Variants in LRRIQ3 observed in about 807,000 individuals in gnomAD.
The protein encoded by LRRIQ3 is leucine-rich repeat and IQ domain-containing protein 3.
LRRIQ3 carries 75 observed loss-of-function variants against 59.3 expected under a neutral mutation model. That is an observed-to-expected ratio of 1.26 (90% CI 1.05 to 1.53). LRRIQ3 has a LOEUF of 1.53. Ranked by LOEUF, LRRIQ3 falls within the 40% of genes most tolerant of loss-of-function variation. The pLI, the probability that LRRIQ3 is intolerant of heterozygous loss-of-function variation, is 0.00. For synonymous variants in LRRIQ3, 250 were observed against 231.3 expected, an observed-to-expected ratio of 1.08 and a Z score of -0.73; for missense variants, 831 against 710.0, an observed-to-expected ratio of 1.17 and a Z score of -1.94.
chr1:74,084,102 G>C (rs996942231), intron 5 of LRRIQ3: 1 of 1,478,630 alleles, frequency 6.8e-7, no homozygotes, highest in Non-Finnish European at 9.1e-7. Context: ...TCAGAGACAA[G>C]TTTTCATCCT....
chr1:74,168,990 G>A (rs562443886), intron 3 of LRRIQ3, among the ~76,000 whole-genome samples: 1 of 152,178 alleles, frequency 6.6e-6, no homozygotes, highest in East Asian at 1.9e-4. Context: ...ATTATTGCAA[G>A]CTTTAGGCTC....
intron 5 of LRRIQ3, among the ~76,000 whole-genome samples, chr1:74,099,867 GA>G (rs1282008257): frequency 6.6e-6 from 1 of 151,916 alleles, no homozygotes; most frequent in African/African-American, 2.4e-5. Context: ...CCTTTCATGT[GA>G]AAAACTCTCA....
chr1:74,104,597 T>C (rs749942835), intron 5 of LRRIQ3, among the ~76,000 whole-genome samples: 8 of 152,130 alleles, frequency 5.3e-5, no homozygotes, highest in African/African-American at 1.7e-4. Context: ...ACATACTATA[T>C]GATTTCAACT....
At chr1:74,180,054 C>T (rs1649885368) in intron 3 of LRRIQ3, 1 of 151,856 alleles carries the variant, frequency 6.6e-6, no homozygotes, top group African/African-American at 2.4e-5. Context: ...TATTTTTCTT[C>T]TGTCCAAAAT....
chr1:74,068,188 T>C (rs1654920686), intron 6 of LRRIQ3, among the ~76,000 whole-genome samples: 1 of 152,110 alleles, frequency 6.6e-6, no homozygotes, highest in Non-Finnish European at 1.5e-5. Flanking sequence ...AGGTTTTATG[T>C]TATGATACTA....
At chr1:74,064,478 A>G (rs1035553317) in intron 6 of LRRIQ3, among the ~76,000 whole-genome samples, 1 of 152,052 alleles carries the variant, frequency 6.6e-6, no homozygotes, top group Non-Finnish European at 1.5e-5. Context: ...TTTTATAATT[A>G]CTGACTTTAT....
intron 5 of LRRIQ3, among the ~76,000 whole-genome samples, chr1:74,092,207 C>A (rs890171918): frequency 1.3e-5 from 2 of 152,146 alleles, no homozygotes; most frequent in Admixed American, 6.6e-5. Context: ...TTCAGAAAAG[C>A]ATGAGATAAA....
intron 6 of LRRIQ3, among the ~76,000 whole-genome samples, chr1:74,060,783 C>A (rs1654700275): frequency 6.6e-6 from 1 of 152,004 alleles, no homozygotes; most frequent in African/African-American, 2.4e-5. Flanking sequence ...CCGGTGCACT[C>A]CAAGCAGATC....
intron 4 of LRRIQ3, among the ~76,000 whole-genome samples, chr1:74,149,466 G>C (rs1232348971): frequency 1.3e-5 from 2 of 151,996 alleles, no homozygotes. Context: ...ATATAAAGTT[G>C]TTCTTATTCT....
intron 4 of LRRIQ3, among the ~76,000 whole-genome samples, chr1:74,131,158 TC>T (rs750303811): frequency 1.3e-5 from 2 of 151,978 alleles, no homozygotes; most frequent in Non-Finnish European, 2.9e-5. Flanking sequence ...ACATACACCC[TC>T]CCAAGACTAA....
At chr1:74,153,605 C>G (rs1221065593) in intron 4 of LRRIQ3, among the ~76,000 whole-genome samples, 4 of 152,100 alleles carry the variant, frequency 2.6e-5, no homozygotes, top group Admixed American at 6.6e-5. Flanking sequence ...GTCAGGCATT[C>G]TGTTACATAT....
chr1:74,187,517 T>G (rs567373729), intron 1 of LRRIQ3, among the ~76,000 whole-genome samples: 1 of 151,920 alleles, frequency 6.6e-6, no homozygotes, highest in African/African-American at 2.4e-5. Flanking sequence ...TTCTCACATA[T>G]AAGTGTGAGC....
intron 5 of LRRIQ3, among the ~76,000 whole-genome samples, chr1:74,104,023 A>G (rs1646573091): frequency 6.6e-6 from 1 of 152,024 alleles, no homozygotes; most frequent in African/African-American, 2.4e-5. Flanking sequence ...CTTATATAGG[A>G]CAGGTGACAA....
chr1:74,090,616 G>A (rs1646384253), intron 5 of LRRIQ3, among the ~76,000 whole-genome samples: 1 of 152,168 alleles, frequency 6.6e-6, no homozygotes, highest in South Asian at 2.1e-4. Context: ...GGCCAGGCAT[G>A]GTGGCTCACA....
At chr1:74,184,348 C>T (rs1650215272) in intron 1 of LRRIQ3, among the ~76,000 whole-genome samples, 1 of 151,984 alleles carries the variant, frequency 6.6e-6, no homozygotes, top group Non-Finnish European at 1.5e-5. Flanking sequence ...CACAGTATTT[C>T]TCATATATGT....
rs1168728991 is a variant in LRRIQ3, at chr1:74,028,916, A to C, written c.1719-1947T>G. 3.4e-4 allele frequency among the ~76,000 whole-genome samples: 51 copies of C among 152,022 alleles called. 1 individual carries two copies. Among genetic ancestry groups the C allele is most frequent in the Non-Finnish European group, 1.5e-5 (1 of 67,976 alleles). On this transcript the variant is annotated intron_variant, in intron 7 of 7. Transcript: ENST00000354431. ...CGTGTAGCAGAGTAGAAATCATAGCAAAGGAATCTTGCACATGTAATTAAG... is the reference window on the plus strand; with the variant it reads ...CGTGTAGCAGAGTAGAAATCATAGCCAAGGAATCTTGCACATGTAATTAAG...
intron 5 of LRRIQ3, among the ~76,000 whole-genome samples, chr1:74,091,103 T>C (rs1370811639): frequency 6.6e-6 from 1 of 151,902 alleles, no homozygotes; most frequent in Non-Finnish European, 1.5e-5. Context: ...AGATCAGGAA[T>C]CAAAAATCAA....
At chr1:74,192,408 T>G (rs1650824568) in intron 1 of LRRIQ3, among the ~76,000 whole-genome samples, 1 of 152,148 alleles carries the variant, frequency 6.6e-6, no homozygotes, top group South Asian at 2.1e-4. Context: ...CTCTCCCAAT[T>G]CTTGTATTCC....
chr1:74,111,030 T>G (rs969325795), intron 4 of LRRIQ3, among the ~76,000 whole-genome samples: 1 of 152,076 alleles, frequency 6.6e-6, no homozygotes, highest in Admixed American at 6.6e-5. Context: ...TCATTACTTC[T>G]GCTCACTTTC....
Sources: gnomAD v4.1 joint callset for allele counts (sites outside exome capture counted in the v4.1 genomes callset) on GRCh38, gnomAD v4.1.1 for gene constraint, MANE v1.5 for transcripts, NCBI Gene and HGNC (gene_info 2026-07-23, HGNC 2026-07-21) for gene names.